Variants in DGKB observed in about 807,000 individuals in gnomAD.
The protein encoded by DGKB is diacylglycerol kinase beta, also known as 90 kDa diacylglycerol kinase.
A neutral mutation model predicts 114.3 loss-of-function variants in DGKB; 67 were observed. The observed-to-expected ratio is 0.59, with a 90% CI of 0.48 to 0.72. The LOEUF is 0.72. Among genes scored for constraint, DGKB ranks in the 30% least tolerant of loss-of-function variants. DGKB has a pLI of 0.00. For synonymous variants in DGKB, 398 were observed against 323.1 expected, an observed-to-expected ratio of 1.23 and a Z score of -2.49; for missense variants, 907 against 975.2, an observed-to-expected ratio of 0.93 and a Z score of 0.93.
At chr7:14,555,810 C>T (rs181859364) in intron 20 of DGKB, among the ~76,000 whole-genome samples, 2 of 152,266 alleles carry the variant, frequency 1.3e-5, no homozygotes, top group East Asian at 1.9e-4. Flanking sequence ...GCTACACACC[C>T]GCCAGCACCA....
In DGKB at chr7:14,226,172, CAG is replaced by C. The variant is rs1790774403; in HGVS notation, c.2123-48023_2123-48022del. On this transcript the variant is annotated intron_variant, in intron 23 of 25. Transcript: ENST00000402815. ...AAATAAGTAAAAATAAATCCACACA[CAG>C]AGACAGAAGCCTATCAGAAATTATT... Among the ~76,000 whole-genome samples the C allele has an allele frequency of 2.0e-5, 3 of 152,084 alleles. No homozygotes were observed. In the South Asian group the frequency reaches 6.2e-4, roughly 31 times the overall value.
intron 17 of DGKB, among the ~76,000 whole-genome samples, chr7:14,584,069 T>G (rs1333443355): frequency 6.6e-6 from 1 of 152,228 alleles, no homozygotes; most frequent in Non-Finnish European, 1.5e-5. Flanking sequence ...AAAACTGTGC[T>G]ATACATACTG....
chr7:14,550,352 T>C (rs1290820329), intron 20 of DGKB, among the ~76,000 whole-genome samples: 1 of 152,170 alleles, frequency 6.6e-6, no homozygotes, highest in African/African-American at 2.4e-5. Context: ...TGCAATGAAA[T>C]TTTATGAGTA....
intron 21 of DGKB, among the ~76,000 whole-genome samples, chr7:14,401,850 C>G (rs1029784759): frequency 6.6e-6 from 1 of 151,770 alleles, no homozygotes; most frequent in African/African-American, 2.4e-5. Context: ...CTGGGGAAGA[C>G]TTTTTAATAC....
At chr7:14,733,043 GTA>G (rs1197906976) in intron 5 of DGKB, among the ~76,000 whole-genome samples, 4 of 152,048 alleles carry the variant, frequency 2.6e-5, no homozygotes, top group Admixed American at 2.6e-4. Context: ...TCAATTTAAG[GTA>G]TGTGTGTGAT....
At chr7:14,380,537 A>G (rs1251048380) in intron 21 of DGKB, among the ~76,000 whole-genome samples, 1 of 152,140 alleles carries the variant, frequency 6.6e-6, no homozygotes, top group East Asian at 1.9e-4. Context: ...TATGTGTTCA[A>G]ATAGGATATA....
chr7:14,425,595 TAGTC>T (rs1261369957), intron 21 of DGKB, among the ~76,000 whole-genome samples: 3 of 152,178 alleles, frequency 2.0e-5, no homozygotes, highest in Admixed American at 6.5e-5. Flanking sequence ...ATTAATCTGA[TAGTC>T]AGTATTAGAC....
chr7:14,608,110 A>G (rs1804858693), intron 16 of DGKB, among the ~76,000 whole-genome samples: 1 of 152,022 alleles, frequency 6.6e-6, no homozygotes, highest in African/African-American at 2.4e-5. Flanking sequence ...TTTTTTCTGA[A>G]AGAAAACAAT....
At chr7:14,687,124 A>G (rs763373842) in intron 9 of DGKB, among the ~76,000 whole-genome samples, 15 of 152,138 alleles carry the variant, frequency 9.9e-5, no homozygotes, top group Non-Finnish European at 1.8e-4. Context: ...TGTCGTTCCC[A>G]TGAGATTTTG....
At chr7:14,617,465 C>G (rs774172915) in intron 15 of DGKB, among the ~76,000 whole-genome samples, 3 of 151,598 alleles carry the variant, frequency 2.0e-5, no homozygotes, top group Non-Finnish European at 4.4e-5. Flanking sequence ...ACTGCTCCAT[C>G]CTAACAAGCC....
chr7:14,649,282 C>T (rs1378502807), intron 13 of DGKB, among the ~76,000 whole-genome samples: 2 of 151,520 alleles, frequency 1.3e-5, no homozygotes, highest in African/African-American at 4.9e-5. Flanking sequence ...GCCCATCAGA[C>T]TAACAGCGGA....
At chr7:14,411,919 C>T (rs1450720894) in intron 21 of DGKB, among the ~76,000 whole-genome samples, 2 of 151,890 alleles carry the variant, frequency 1.3e-5, no homozygotes, top group African/African-American at 4.8e-5. Context: ...CCATTTAAAC[C>T]ATGTTATAGA....
intron 23 of DGKB, among the ~76,000 whole-genome samples, chr7:14,234,008 G>T (rs756423623): frequency 1.3e-5 from 2 of 152,080 alleles, no homozygotes; most frequent in Non-Finnish European, 2.9e-5. Context: ...AGTCCCAAAT[G>T]CCTGGAAGGC....
intron 20 of DGKB, among the ~76,000 whole-genome samples, chr7:14,556,933 T>C (rs1795958178): frequency 6.6e-6 from 1 of 152,232 alleles, no homozygotes; most frequent in Non-Finnish European, 1.5e-5. Flanking sequence ...GTAAATGGAA[T>C]TGCCACCAAG....
Position 14,885,767 on chromosome 7 carries a change from G to GA in DGKB, c.-188+16824dup, listed in dbSNP as rs1306189000. On this transcript the variant is annotated intron_variant, in intron 1 of 25. Transcript: ENST00000402815. ...TGAGTTGCTATTATTAATCCCATTT[G>GA]AAAAACTGAACATTGTGATTAAATG... is the stretch of plus-strand genomic sequence containing the variant. Among the ~76,000 whole-genome samples the GA allele has an allele frequency of 3.3e-5, 5 of 151,896 alleles. No individual in the cohort carries two copies. The East Asian group carries it at 9.7e-4, about 29-fold the overall frequency.
intron 19 of DGKB, 51 bp downstream of exon 19, chr7:14,580,807 CAAGG>C: frequency 8.2e-7 from 1 of 1,226,236 alleles, no homozygotes; most frequent in Non-Finnish European, 1.2e-6. Flanking sequence ...TTTTGTTTTG[CAAGG>C]GAAAGGGGTG....
intron 1 of DGKB, among the ~76,000 whole-genome samples, chr7:14,910,715 C>G (rs773750860): frequency 7.1e-4 from 108 of 152,122 alleles, no homozygotes; most frequent in Non-Finnish European, 1.5e-3. Flanking sequence ...TCTCTCTAAT[C>G]TGGCTCCAAA....
intron 5 of DGKB, among the ~76,000 whole-genome samples, chr7:14,735,643 T>C (rs188483484): frequency 6.6e-6 from 1 of 152,190 alleles, no homozygotes; most frequent in Non-Finnish European, 1.5e-5. Flanking sequence ...AATCTAAACA[T>C]GTGAAAGTAT....
chr7:14,516,908 T>C (rs560311779), intron 20 of DGKB, among the ~76,000 whole-genome samples: 1 of 152,036 alleles, frequency 6.6e-6, no homozygotes, highest in African/African-American at 2.4e-5. Context: ...TTCAATACTA[T>C]TCCTATCAAA....
Sources: allele counts gnomAD v4.1 joint callset (sites outside exome capture counted in the v4.1 genomes callset), GRCh38; gene constraint gnomAD v4.1.1; transcripts MANE v1.5; gene names NCBI Gene and HGNC (gene_info 2026-07-23, HGNC 2026-07-21).